Variants in PRKN observed in about 807,000 individuals in gnomAD.
The protein encoded by PRKN is E3 ubiquitin-protein ligase parkin.
PRKN carries 56 observed loss-of-function variants against 59.5 expected under a neutral mutation model. That is an observed-to-expected ratio of 0.94 (90% CI 0.76 to 1.18). PRKN has a LOEUF of 1.18. PRKN is among the 50% of genes most tolerant of loss of function. The pLI, the probability that PRKN is intolerant of heterozygous loss-of-function variation, is 0.00. For synonymous variants in PRKN, 250 were observed against 222.1 expected, an observed-to-expected ratio of 1.13 and a Z score of -1.12; for missense variants, 657 against 596.4, an observed-to-expected ratio of 1.10 and a Z score of -1.06.
At position 162,245,132 on chromosome 6, in the gene PRKN, T is replaced by G. The variant is rs551176665; in HGVS notation, c.412+17393A>C. Among the ~76,000 whole-genome samples, 3 of 152,206 alleles carry G rather than the reference T, an allele frequency of 2.0e-5. 1 individual carries two copies. In the South Asian group the frequency reaches 6.2e-4, roughly 32 times the overall value. ...TAATAATCAAAAAAAATTTGAAACTTAGAATTAAACCAAAGAGATTACTGG... is the reference window on the plus strand; with the variant it reads ...TAATAATCAAAAAAAATTTGAAACTGAGAATTAAACCAAAGAGATTACTGG... On this transcript the variant is annotated intron_variant, in intron 3 of 11. Coordinates refer to ENST00000366898, the MANE Select transcript of PRKN (RefSeq NM_004562.3).
At chr6:161,494,649 A>C (rs781699407) in intron 9 of PRKN, among the ~76,000 whole-genome samples, 7 of 152,234 alleles carry the variant, frequency 4.6e-5, no homozygotes, top group Non-Finnish European at 1.0e-4. Context: ...ATGTGCTGAT[A>C]CTGTGTGAGA....
Position 161,473,926 on chromosome 6 carries a change from G to C in PRKN, c.1083+74928C>G, listed in dbSNP as rs139261258. ...ATCGCTAGGATGGAGGGCATGACTT[G>C]TGTATGTAGACTAGCGGGTTTTCTA... On this transcript the variant is annotated intron_variant, in intron 9 of 11. Transcript: ENST00000366898. The surrounding 1 kb of genome is among the most constrained non-coding windows in gnomAD (Gnocchi z 4.1). Among the ~76,000 whole-genome samples the C allele has an allele frequency of 1.3e-5, 2 of 152,166 alleles. No individual in the cohort carries two copies. The highest frequency in any genetic ancestry group is 4.8e-5 in the African/African-American group (2 of 41,446).
intron 1 of PRKN, among the ~76,000 whole-genome samples, chr6:162,584,860 TCCTCCCCTCCCCTCCCCTCC>T (rs1159246085): frequency 3.4e-3 from 8 of 2,360 alleles, no homozygotes; most frequent in Admixed American, 6.1e-3. Context: ...CTGTCCCATC[TCCTCCCCTCCCCTCCCCTCC>T]CCTCCCCTCC....
At chr6:162,527,733 G>A (rs965925161) in intron 1 of PRKN, among the ~76,000 whole-genome samples, 11 of 152,164 alleles carry the variant, frequency 7.2e-5, no homozygotes, top group Non-Finnish European at 1.3e-4. Flanking sequence ...TTTAAAAGGA[G>A]TGAGGAGGGA....
chr6:162,550,015 C>T (rs1474176080), intron 1 of PRKN, among the ~76,000 whole-genome samples: 1 of 152,132 alleles, frequency 6.6e-6, no homozygotes, highest in Non-Finnish European at 1.5e-5. Flanking sequence ...ATATGTCTCA[C>T]CGTTTGTCTG....
intron 2 of PRKN, among the ~76,000 whole-genome samples, chr6:162,424,834 G>A (rs1162409506): frequency 1.3e-5 from 2 of 152,040 alleles, no homozygotes; most frequent in African/African-American, 4.8e-5. Flanking sequence ...AGGGAATGAG[G>A]TTGAGAATTT....
At chr6:162,609,676 C>T (rs1782064143) in intron 1 of PRKN, among the ~76,000 whole-genome samples, 1 of 152,272 alleles carries the variant, frequency 6.6e-6, no homozygotes, top group South Asian at 2.1e-4. Flanking sequence ...TTTAAATTTA[C>T]ATTATTCTTT....
intron 7 of PRKN, among the ~76,000 whole-genome samples, chr6:161,603,141 T>C (rs1782163861): frequency 6.6e-6 from 1 of 152,168 alleles, no homozygotes; most frequent in Non-Finnish European, 1.5e-5. Flanking sequence ...CAGTGCTAAA[T>C]TGCCGATTTT....
chr6:162,359,059 CAAAAAA>C (rs71692740), intron 2 of PRKN, among the ~76,000 whole-genome samples: 3 of 92,594 alleles, frequency 3.2e-5, no homozygotes, highest in African/African-American at 1.0e-4. Context: ...CACACTGTGG[CAAAAAA>C]AAAAAAAAAA....
chr6:162,296,246 C>T (rs1337586794), intron 2 of PRKN, among the ~76,000 whole-genome samples: 1 of 143,696 alleles, frequency 7.0e-6, no homozygotes, highest in African/African-American at 2.6e-5. Context: ...CCACCCCCTT[C>T]TATGCCAGCG....
chr6:162,311,229 G>C (rs927034128), intron 2 of PRKN, among the ~76,000 whole-genome samples: 3 of 152,088 alleles, frequency 2.0e-5, no homozygotes, highest in African/African-American at 7.2e-5. Context: ...GAATAGATTT[G>C]TTAAAATATT....
At chr6:162,155,705 T>C (rs566639804) in intron 4 of PRKN, among the ~76,000 whole-genome samples, 74 of 152,096 alleles carry the variant, frequency 4.9e-4, no homozygotes, top group Admixed American at 1.4e-3. Context: ...AAAACTTGCC[T>C]TCATCCAATT....
At chr6:162,560,318 A>G (rs560411979) in intron 1 of PRKN, among the ~76,000 whole-genome samples, 2 of 152,344 alleles carry the variant, frequency 1.3e-5, no homozygotes, top group South Asian at 2.1e-4. Context: ...TCAGCCTAAC[A>G]ATATATTCAT....
rs1237170754 is a variant in PRKN, at chr6:161,352,564, CATT to C, written c.1286-2356_1286-2354del. On this transcript the variant is annotated intron_variant, in intron 11 of 11. Transcript: ENST00000366898. The surrounding 1 kb of genome is among the most constrained non-coding windows in gnomAD (Gnocchi z 5.8). ...ATATTTTATCATATCATAAATATAT[CATT>C]ATTATATCATGTATCGTAAAATATA... Among the ~76,000 whole-genome samples, 6 of 151,288 alleles carry C rather than the reference CATT, an allele frequency of 4.0e-5. No homozygotes were observed. Among genetic ancestry groups the C allele is most frequent in the African/African-American group, 4.9e-5 (2 of 41,220 alleles).
At chr6:161,837,252 T>C (rs1792795193) in intron 6 of PRKN, among the ~76,000 whole-genome samples, 1 of 152,082 alleles carries the variant, frequency 6.6e-6, no homozygotes, top group Admixed American at 6.5e-5. Flanking sequence ...TCTGGGAATT[T>C]TTCCCTTCCT....
At chr6:161,921,350 C>A (rs1459102535) in intron 6 of PRKN, among the ~76,000 whole-genome samples, 2 of 152,106 alleles carry the variant, frequency 1.3e-5, no homozygotes, top group Non-Finnish European at 2.9e-5. Context: ...GAAGATCCTG[C>A]CTGAGACTGC....
At position 161,488,877 on chromosome 6, in the gene PRKN, T is replaced by C. The variant is rs766313; in HGVS notation, c.1083+59977A>G. On this transcript the variant is annotated intron_variant, in intron 9 of 11. Transcript: ENST00000366898. The surrounding 1 kb of genome is among the most constrained non-coding windows in gnomAD (Gnocchi z 4.5). ...CATTAACCAGGAAAAGGATGGCTGA[T>C]ACATTGAATGATGAAGAGGAATTAA... Among the ~76,000 whole-genome samples the C allele has an allele frequency of 0.76, 115,425 of 152,100 alleles. 43,994 individuals carry two copies. The highest frequency in any genetic ancestry group is 0.85 in the Middle Eastern group (249 of 294).
intron 7 of PRKN, among the ~76,000 whole-genome samples, chr6:161,759,564 C>T (rs945289932): frequency 8.5e-5 from 13 of 152,182 alleles, no homozygotes; most frequent in Admixed American, 4.6e-4. Context: ...GACAGATTTT[C>T]GGCACCTATC....
chr6:161,902,328 GA>G (rs2128235277), intron 6 of PRKN, among the ~76,000 whole-genome samples: 1 of 152,198 alleles, frequency 6.6e-6, no homozygotes, highest in Non-Finnish European at 1.5e-5. Flanking sequence ...CTGGACTTTT[GA>G]TTAAATCACG....
Sources: gnomAD v4.1 joint callset for allele counts (sites outside exome capture counted in the v4.1 genomes callset) on GRCh38, gnomAD v4.1.1 for gene constraint, Gnocchi (gnomAD v3.1) non-coding constraint, MANE v1.5 for transcripts, NCBI Gene and HGNC (gene_info 2026-07-23, HGNC 2026-07-21) for gene names.